CFDP1: variants seen among roughly 807,000 people sequenced by gnomAD.
CFDP1 encodes the protein chromatin remodeling protein CFDP1, also known as heterochromatin-stabilizing protein CFDP1.
A neutral mutation model predicts 40.1 loss-of-function variants in CFDP1; 31 were observed. The observed-to-expected ratio is 0.77, with a 90% CI of 0.58 to 1.04. CFDP1 has a LOEUF of 1.04. CFDP1 is among the 50% of genes least tolerant of loss of function. The pLI is 0.00. For missense variants in CFDP1, 423 were observed against 343.4 expected (o/e 1.23, Z -1.83); for synonymous variants, 167 against 120.0 (o/e 1.39, Z -2.56).
chr16:75,349,670 A>ATATATAT (rs2078595313), intron 5 of CFDP1, among the ~76,000 whole-genome samples: 1 of 8,198 alleles, frequency 1.2e-4, no homozygotes, highest in Admixed American at 3.0e-3. Flanking sequence ...AAAAAAAAAA[A>ATATATAT]AAAAAAAAAA....
chr16:75,309,302 C>T (rs545020419), intron 5 of CFDP1, among the ~76,000 whole-genome samples: 26 of 152,260 alleles, frequency 1.7e-4, no homozygotes, highest in Non-Finnish European at 3.2e-4. Context: ...GGTACATGAA[C>T]CAGGCTTTCA....
At chr16:75,399,789 A>G (rs1185934824) in intron 4 of CFDP1, among the ~76,000 whole-genome samples, 5 of 151,926 alleles carry the variant, frequency 3.3e-5, no homozygotes, top group African/African-American at 1.2e-4. Flanking sequence ...ACATGGCAAG[A>G]CCCTAACTCT....
chr16:75,393,895 T>C (rs745505197), intron 5 of CFDP1, among the ~76,000 whole-genome samples: 3 of 150,598 alleles, frequency 2.0e-5, no homozygotes, highest in Admixed American at 6.6e-5. Flanking sequence ...TCGTCTCTAC[T>C]AAAAATACAA....
chr16:75,319,368 G>A (rs2078346775), intron 5 of CFDP1, among the ~76,000 whole-genome samples: 1 of 152,154 alleles, frequency 6.6e-6, no homozygotes, highest in South Asian at 2.1e-4. Context: ...TACTAAATAA[G>A]CATGCAAAAT....
chr16:75,403,095 C>A (rs2079069536), intron 4 of CFDP1, among the ~76,000 whole-genome samples: 1 of 152,066 alleles, frequency 6.6e-6, no homozygotes, highest in South Asian at 2.1e-4. Context: ...CAGCAGACGC[C>A]CTGAATACCC....
Position 75,305,134 on chromosome 16 carries a change from G to A in CFDP1, c.699C>T (p.Ala233=), listed in dbSNP as rs148905495. The A allele has an allele frequency of 1.5e-4, 240 of 1,613,992 alleles. No homozygotes were observed. In the African/African-American group the frequency reaches 2.7e-3, roughly 18 times the overall value. Reference sequence around the variant, plus strand: ...CAAGGGTGCTCATTTTCTGCTTCTTGGCACCAATTTTCCCCAAAAGGCTGC... The same window carrying A: ...CAAGGGTGCTCATTTTCTGCTTCTTAGCACCAATTTTCCCCAAAAGGCTGC... The part of the protein sequence containing the change: ...GMSSLLGKIG[A]KKQKMSTLEK... The change falls in exon 6 of 7, where the codon GCC becomes GCT. Residue 233 remains alanine (A), a synonymous_variant. Transcript: ENST00000283882.
At chr16:75,337,136 G>A (rs570223661) in intron 5 of CFDP1, among the ~76,000 whole-genome samples, 2 of 152,204 alleles carry the variant, frequency 1.3e-5, no homozygotes, top group African/African-American at 4.8e-5. Flanking sequence ...CAGTTAAAAT[G>A]AACTTCCTAC....
At chr16:75,430,462 C>T (rs1451006287) in intron 1 of CFDP1, among the ~76,000 whole-genome samples, 1 of 150,194 alleles carries the variant, frequency 6.7e-6, no homozygotes, top group Non-Finnish European at 1.5e-5. Flanking sequence ...TGAGCCACCG[C>T]ACCTGGCCAC....
intron 1 of CFDP1, among the ~76,000 whole-genome samples, chr16:75,432,292 T>C (rs1377319227): frequency 2.8e-5 from 4 of 144,308 alleles, no homozygotes; most frequent in African/African-American, 1.0e-4. Context: ...TCCCAGCACT[T>C]TGGGTGGCTG....
chr16:75,298,507 G>A (rs1041026973), intron 6 of CFDP1, among the ~76,000 whole-genome samples: 1 of 152,186 alleles, frequency 6.6e-6, no homozygotes, highest in Non-Finnish European at 1.5e-5. Flanking sequence ...CCAGCATTCT[G>A]TTCCCCAAGT....
Position 75,427,320 on chromosome 16 carries a change from G to A in CFDP1, c.64+5969C>T, listed in dbSNP as rs529006483. Reference sequence around the variant, plus strand: ...GGCTGGAGTGCAGTGGCACAATTCCGGCTCACTGCAACCTCCACCTCCTGG... The same window carrying A: ...GGCTGGAGTGCAGTGGCACAATTCCAGCTCACTGCAACCTCCACCTCCTGG... On this transcript the variant is annotated intron_variant, in intron 1 of 6. Coordinates refer to ENST00000283882, the MANE Select transcript of CFDP1 (RefSeq NM_006324.3). Among the ~76,000 whole-genome samples, 8 of 151,428 alleles carry A rather than the reference G, an allele frequency of 5.3e-5. No homozygotes were observed. The South Asian group carries it at 8.4e-4, about 16-fold the overall frequency.
intron 5 of CFDP1, among the ~76,000 whole-genome samples, chr16:75,343,009 ATGGAGGATGGCAGTCTCCC>A (rs1396302302): frequency 2.3e-4 from 35 of 152,256 alleles, no homozygotes; most frequent in African/African-American, 7.7e-4. Context: ...GATCTGCTGC[ATGGAGGATGGCAGTCTCCC>A]TGGTAAGGCA....
chr16:75,354,143 C>A (rs1173387002), intron 5 of CFDP1, among the ~76,000 whole-genome samples: 1 of 152,136 alleles, frequency 6.6e-6, no homozygotes, highest in East Asian at 1.9e-4. Flanking sequence ...ATGATTTTGT[C>A]CAAGTACAGG....
rs73607061 is a variant in CFDP1, at chr16:75,315,675, T to C, written c.651-10493A>G. Among the ~76,000 whole-genome samples the C allele has an allele frequency of 6.1e-3, 928 of 152,326 alleles. 2 individuals are homozygous for C. The highest frequency in any genetic ancestry group is 0.021 in the African/African-American group (893 of 41,576). On this transcript the variant is annotated intron_variant, in intron 5 of 6. Coordinates refer to ENST00000283882, the MANE Select transcript of CFDP1 (RefSeq NM_006324.3). ...TCAATTGTTAACATTTTGCCACATA[T>C]AACTTTTCTTTCTATATATAGATTT...
rs570098026 is a variant in CFDP1 at position 75,400,813 on chromosome 16, A to AT, written c.531-5605dup. Among the ~76,000 whole-genome samples the AT allele has an allele frequency of 2.6e-4, 39 of 152,354 alleles. No homozygotes were observed. The South Asian group carries it at 3.5e-3, about 14-fold the overall frequency. On this transcript the variant is annotated intron_variant, in intron 4 of 6. Transcript: ENST00000283882. ...ATACCAGTAAGAAATAATGTACTGT[A>AT]TTATGCTACTGAGTTGCTGAGTTTG...
intron 5 of CFDP1, among the ~76,000 whole-genome samples, chr16:75,362,449 T>C (rs993878686): frequency 1.3e-5 from 2 of 152,236 alleles, no homozygotes; most frequent in Non-Finnish European, 2.9e-5. Context: ...TCCTGGACAG[T>C]CTCAACTTTT....
chr16:75,402,585 C>G (rs532503535), intron 4 of CFDP1, among the ~76,000 whole-genome samples: 1 of 152,354 alleles, frequency 6.6e-6, no homozygotes, highest in South Asian at 2.1e-4. Context: ...CTACCTTACA[C>G]TTAGACCTAC....
chr16:75,416,433 C>T (rs1391518711), intron 1 of CFDP1, among the ~76,000 whole-genome samples: 4 of 147,854 alleles, frequency 2.7e-5, no homozygotes, highest in East Asian at 2.0e-4. Context: ...CAAAAAAGCT[C>T]GTAAAAACTA....
At chr16:75,360,449 C>A (rs1215058989) in intron 5 of CFDP1, among the ~76,000 whole-genome samples, 1 of 152,128 alleles carries the variant, frequency 6.6e-6, no homozygotes, top group Non-Finnish European at 1.5e-5. Context: ...CTGAAGGAAA[C>A]CGAAACAAAA....
Sources: allele counts gnomAD v4.1 joint callset (sites outside exome capture counted in the v4.1 genomes callset), GRCh38; gene constraint gnomAD v4.1.1; transcripts MANE v1.5; gene names NCBI Gene and HGNC (gene_info 2026-07-23, HGNC 2026-07-21).